Variants in PRKAR2A observed in about 807,000 individuals in gnomAD.
The protein encoded by PRKAR2A is protein kinase cAMP-dependent type II regulatory subunit alpha.
Under a neutral mutation model 51.9 loss-of-function variants are expected in PRKAR2A, and 29 were observed. That is an observed-to-expected ratio of 0.56 (90% CI 0.42 to 0.76). The LOEUF is 0.76. PRKAR2A is among the 30% of genes least tolerant of loss of function. The probability of loss-of-function intolerance (pLI) is 0.00; values close to 1 mark genes in which losing one functional copy is unlikely to be tolerated. For missense variants in PRKAR2A, 445 were observed against 512.1 expected, an observed-to-expected ratio of 0.87 and a Z score of 1.26; for synonymous variants, 178 against 186.2, an observed-to-expected ratio of 0.96 and a Z score of 0.36.
intron 1 of PRKAR2A, among the ~76,000 whole-genome samples, chr3:48,829,702 A>ACACACACATAAATGTGTGTG: frequency 8.6e-5 from 12 of 139,664 alleles, no homozygotes; most frequent in African/African-American, 1.5e-4. Context: ...ACGTGTGTAT[A>ACACACACATAAATGTGTGTG]TATTCTTATA....
chr3:48,783,309 T>C (rs1184744446), intron 4 of PRKAR2A, among the ~76,000 whole-genome samples: 1 of 152,138 alleles, frequency 6.6e-6, no homozygotes, highest in Non-Finnish European at 1.5e-5. Context: ...TGAGGCAGTA[T>C]TGTTTTGAAA....
At chr3:48,751,947 A>G (rs549871946) in intron 10 of PRKAR2A, among the ~76,000 whole-genome samples, 1 of 152,300 alleles carries the variant, frequency 6.6e-6, no homozygotes, top group Admixed American at 6.5e-5. Context: ...CCTGGACATC[A>G]GTTCTTTTCA....
chr3:48,801,413 G>A (rs1247658154), intron 2 of PRKAR2A, among the ~76,000 whole-genome samples: 4 of 150,700 alleles, frequency 2.7e-5, no homozygotes, highest in East Asian at 4.0e-4. Flanking sequence ...TCAGCCTCCC[G>A]AAGTGCCGGG....
intron 1 of PRKAR2A, among the ~76,000 whole-genome samples, chr3:48,840,505 T>A (rs2083359683): frequency 6.8e-6 from 1 of 148,024 alleles, no homozygotes; most frequent in South Asian, 2.2e-4. Context: ...TGTATATATA[T>A]ACCATATTTT....
intron 1 of PRKAR2A, among the ~76,000 whole-genome samples, chr3:48,833,371 A>G (rs1261321765): frequency 6.6e-6 from 1 of 152,150 alleles, no homozygotes; most frequent in African/African-American, 2.4e-5. Flanking sequence ...TTTCCTTAAG[A>G]AGCGTCACCA....
At chr3:48,788,177 C>G (rs763753782) in intron 4 of PRKAR2A, among the ~76,000 whole-genome samples, 3 of 152,018 alleles carry the variant, frequency 2.0e-5, no homozygotes, top group Admixed American at 1.3e-4. Context: ...ACTACAGGTG[C>G]GCGCCACCAC....
chr3:48,773,302 T>C (rs961753703), intron 5 of PRKAR2A, among the ~76,000 whole-genome samples, 194 bp from the exon 6 acceptor site: 3 of 151,956 alleles, frequency 2.0e-5, no homozygotes, highest in African/African-American at 7.2e-5. Flanking sequence ...TTATTAATTC[T>C]AGTAGCCTTT....
At chr3:48,781,629 C>T (rs977887137) in intron 5 of PRKAR2A, among the ~76,000 whole-genome samples, 3 of 152,170 alleles carry the variant, frequency 2.0e-5, no homozygotes, top group Non-Finnish European at 2.9e-5. Context: ...TCTCCTGCCT[C>T]AGCCTCCCGA....
intron 1 of PRKAR2A, among the ~76,000 whole-genome samples, chr3:48,820,121 C>T (rs1575928059): frequency 6.6e-6 from 1 of 152,334 alleles, no homozygotes; most frequent in Middle Eastern, 3.4e-3. Flanking sequence ...GCCATTCCTT[C>T]TCTGGAATAT....
At chr3:48,843,070 T>C (rs948097482) in intron 1 of PRKAR2A, among the ~76,000 whole-genome samples, 2 of 152,204 alleles carry the variant, frequency 1.3e-5, no homozygotes, top group South Asian at 2.1e-4. Context: ...GGTAAGCTGT[T>C]GATTATTGCC....
At chr3:48,768,302 T>TAGATAGAC (rs1188438785) in intron 6 of PRKAR2A, among the ~76,000 whole-genome samples, 5 of 144,070 alleles carry the variant, frequency 3.5e-5, no homozygotes, top group South Asian at 2.5e-4. Context: ...AAAAGATAGA[T>TAGATAGAC]AGATAGATAG....
At chr3:48,809,430 A>C (rs1292017099) in intron 1 of PRKAR2A, among the ~76,000 whole-genome samples, 1 of 150,870 alleles carries the variant, frequency 6.6e-6, no homozygotes, top group Non-Finnish European at 1.5e-5. Flanking sequence ...GTCTCTACTA[A>C]AAATACAAAA....
At chr3:48,776,972 TTGA>T (rs2082115239) in intron 5 of PRKAR2A, among the ~76,000 whole-genome samples, 2 of 152,200 alleles carry the variant, frequency 1.3e-5, no homozygotes, top group African/African-American at 2.4e-5. Context: ...GACTCCATTT[TTGA>T]TGTTTGATTG....
chr3:48,793,926 T>C (rs368342214), intron 3 of PRKAR2A, 71 bp downstream of exon 3: 1 of 1,164,640 alleles, frequency 8.6e-7, no homozygotes. Flanking sequence ...TGATGAGTTT[T>C]TGGTATGTAG....
intron 4 of PRKAR2A, among the ~76,000 whole-genome samples, chr3:48,787,062 T>G (rs2082304641): frequency 6.6e-6 from 1 of 152,142 alleles, no homozygotes; most frequent in Non-Finnish European, 1.5e-5. Context: ...TGCCACAGAT[T>G]GGAGGAGACT....
In PRKAR2A at chr3:48,829,609, TGTGTGTGTATAC is replaced by T. The variant is rs1333560418; in HGVS notation, c.262+17714_262+17725del. Reference sequence around the variant, plus strand: ...GTGTATATATACACACACATAAATGTGTGTGTGTATACGTGTGTATACACACACATAAATGTG... The same window carrying T: ...GTGTATATATACACACACATAAATGTGTGTGTATACACACACATAAATGTG... On this transcript the variant is annotated intron_variant, in intron 1 of 10. Transcript: ENST00000265563. 1.6e-3 allele frequency among the ~76,000 whole-genome samples: 19 copies of T among 11,858 alleles called. 3 individuals carry two copies. In the African/African-American group the frequency reaches 0.018, roughly 12 times the overall value. The allele number at this position is 11,858 out of a possible 152,430, so 7.8% of individuals were successfully genotyped here. A position where few individuals can be genotyped will look rare whatever the true frequency, so the allele number is the denominator to read the frequency against.
In PRKAR2A at chr3:48,750,311, C is replaced by G. The variant is rs1005480729; in HGVS notation, c.*1274G>C. Reference sequence around the variant, plus strand: ...CTGGGAGGCGGAGGTTGCGGTGAGCCAAGACCGCACCATTGCACTCCAGCC... The same window carrying G: ...CTGGGAGGCGGAGGTTGCGGTGAGCGAAGACCGCACCATTGCACTCCAGCC... On this transcript the variant is annotated 3_prime_UTR_variant, in exon 11 of 11. Transcript: ENST00000265563. 2 of 152,130 alleles carry G rather than the reference C, an allele frequency of 1.3e-5. No individual in the cohort carries two copies. Among genetic ancestry groups the G allele is most frequent in the Non-Finnish European group, 2.9e-5 (2 of 68,106 alleles). 9.4% of individuals were successfully genotyped at this position (152,130 alleles called of 1,614,324 possible). A position where few individuals can be genotyped will look rare whatever the true frequency, so the allele number is the denominator to read the frequency against.
intron 3 of PRKAR2A, among the ~76,000 whole-genome samples, chr3:48,793,004 T>A (rs1360728828): frequency 4.0e-5 from 6 of 150,450 alleles, no homozygotes; most frequent in South Asian, 2.1e-4. Context: ...TTTTTTTTTT[T>A]AAAAGCACCC....
chr3:48,820,160 T>A (rs2082939164), intron 1 of PRKAR2A, among the ~76,000 whole-genome samples: 1 of 152,226 alleles, frequency 6.6e-6, no homozygotes, highest in Non-Finnish European at 1.5e-5. Context: ...AATAGCTCGC[T>A]CTTTAGTTTG....
Sources: allele counts gnomAD v4.1 joint callset (sites outside exome capture counted in the v4.1 genomes callset), GRCh38; gene constraint gnomAD v4.1.1; transcripts MANE v1.5; gene names NCBI Gene and HGNC (gene_info 2026-07-23, HGNC 2026-07-21).